Variants in PABPC4L observed in about 807,000 individuals in gnomAD.
PABPC4L encodes poly(A) binding protein cytoplasmic 4 like.
For synonymous variants in PABPC4L, 169 were observed against 164.1 expected, an observed-to-expected ratio of 1.03 and a Z score of -0.23; for missense variants, 452 against 451.4, an observed-to-expected ratio of 1.00 and a Z score of -0.01.
At chr4:134,166,792 A>G in the PABPC4L span, among the ~76,000 whole-genome samples, 11 of 152,288 alleles carry the variant, frequency 7.2e-5, no homozygotes, top group Middle Eastern at 6.8e-3. Context: ...GAGGTGCCCA[A>G]CTTAAAACCC....
At chr4:134,094,945 G>A in the PABPC4L span, among the ~76,000 whole-genome samples, 2 of 151,450 alleles carry the variant, frequency 1.3e-5, no homozygotes, top group Non-Finnish European at 3.0e-5. Context: ...AAAATGGCTA[G>A]GTAAAACAAT....
chr4:134,154,280 G>C, the PABPC4L span, among the ~76,000 whole-genome samples: 11,319 of 151,816 alleles, frequency 0.075, 572 homozygotes, highest in South Asian at 0.13. Context: ...ACACGCCAAA[G>C]CCTCATCTCT....
the PABPC4L span, among the ~76,000 whole-genome samples, chr4:134,181,437 G>A: frequency 1.3e-5 from 2 of 151,920 alleles, no homozygotes; most frequent in African/African-American, 4.8e-5. Context: ...AAAGCTGGAT[G>A]CATTCCCCTT....
the PABPC4L span, among the ~76,000 whole-genome samples, chr4:134,181,919 T>A: frequency 2.0e-5 from 3 of 151,452 alleles, no homozygotes; most frequent in Admixed American, 6.6e-5. Flanking sequence ...ATAGGAAGTA[T>A]CAATATTGTT....
chr4:134,106,494 A>G, the PABPC4L span, among the ~76,000 whole-genome samples: 3 of 151,644 alleles, frequency 2.0e-5, no homozygotes, highest in African/African-American at 7.2e-5. Flanking sequence ...AAAGAAATGT[A>G]ACAGATCAGA....
the PABPC4L span, among the ~76,000 whole-genome samples, chr4:134,112,612 ATC>A: frequency 7.3e-5 from 11 of 150,350 alleles, no homozygotes; most frequent in Non-Finnish European, 1.2e-4. Context: ...CTATCTATCT[ATC>A]TATATATCTA....
chr4:134,025,268 TGCA>T, the PABPC4L span, among the ~76,000 whole-genome samples: 232 of 135,508 alleles, frequency 1.7e-3, no homozygotes, highest in African/African-American at 6.0e-3. Flanking sequence ...GGGAGGCCAC[TGCA>T]CTCCAGCCTG....
At chr4:134,076,363 T>G in the PABPC4L span, among the ~76,000 whole-genome samples, 917 of 152,188 alleles carry the variant, frequency 6.0e-3, 12 homozygotes, top group African/African-American at 0.021. Flanking sequence ...AGCATTTGAT[T>G]TATTCTTTCT....
chr4:134,012,763 A>C, the PABPC4L span, among the ~76,000 whole-genome samples: 2 of 152,164 alleles, frequency 1.3e-5, no homozygotes, highest in Non-Finnish European at 2.9e-5. Context: ...ACCAATTTCA[A>C]ATCCGGTAAG....
the PABPC4L span, among the ~76,000 whole-genome samples, chr4:134,158,388 T>C: frequency 6.6e-6 from 1 of 152,070 alleles, no homozygotes; most frequent in African/African-American, 2.4e-5. Flanking sequence ...ATTGTTTTTA[T>C]ATTCTACAGA....
chr4:134,176,654 C>T, the PABPC4L span, among the ~76,000 whole-genome samples: 7 of 152,014 alleles, frequency 4.6e-5, no homozygotes, highest in Non-Finnish European at 8.8e-5. Context: ...TGAAAAACCA[C>T]GTCGGGATCC....
At chr4:134,163,217 G>A in the PABPC4L span, among the ~76,000 whole-genome samples, 23 of 152,080 alleles carry the variant, frequency 1.5e-4, no homozygotes, top group Non-Finnish European at 2.2e-4. Context: ...ATTTGAGACT[G>A]CTATGAATAC....
chr4:133,997,316 A>G, the PABPC4L span, among the ~76,000 whole-genome samples: 2 of 152,180 alleles, frequency 1.3e-5, no homozygotes, highest in Non-Finnish European at 2.9e-5. Flanking sequence ...ACAAACAGCC[A>G]TATTTTAAAT....
the PABPC4L span, among the ~76,000 whole-genome samples, chr4:134,011,036 T>C: frequency 6.6e-6 from 1 of 152,204 alleles, no homozygotes. Flanking sequence ...AATAAAGCTA[T>C]TCTTTCAGAT....
chr4:134,005,363 A>G, the PABPC4L span, among the ~76,000 whole-genome samples: 1 of 151,898 alleles, frequency 6.6e-6, no homozygotes, highest in African/African-American at 2.4e-5. Context: ...GAGTATTTTT[A>G]TCTTTTATTA....
the PABPC4L span, among the ~76,000 whole-genome samples, chr4:134,165,246 C>G: frequency 1.3e-5 from 2 of 152,012 alleles, no homozygotes; most frequent in Non-Finnish European, 2.9e-5. Context: ...TGACTAATAT[C>G]CCAAAAGCAA....
chr4:134,168,186 T>G, the PABPC4L span, among the ~76,000 whole-genome samples: 1 of 151,714 alleles, frequency 6.6e-6, no homozygotes, highest in Non-Finnish European at 1.5e-5. Flanking sequence ...ATTGGGACAA[T>G]AAAGAAATTA....
the PABPC4L span, among the ~76,000 whole-genome samples, chr4:134,009,651 A>G: frequency 1.7e-3 from 259 of 152,124 alleles, no homozygotes; most frequent in African/African-American, 6.0e-3. Context: ...TTTTTCAGGC[A>G]TATCAACCAC....
the PABPC4L span, among the ~76,000 whole-genome samples, chr4:134,043,136 C>G: frequency 6.6e-6 from 1 of 151,956 alleles, no homozygotes; most frequent in African/African-American, 2.4e-5. Flanking sequence ...TTCCAGCTGT[C>G]CTATCCAAGA....
Sources: allele counts gnomAD v4.1 joint callset (sites outside exome capture counted in the v4.1 genomes callset), GRCh38; gene constraint gnomAD v4.1.1; transcripts MANE v1.5; gene names NCBI Gene and HGNC (gene_info 2026-07-23, HGNC 2026-07-21).